Variants in PDCD10 observed in about 807,000 individuals in gnomAD.
PDCD10 encodes programmed cell death protein 10.
A neutral mutation model predicts 29.2 loss-of-function variants in PDCD10; 4 were observed. The ratio of observed to expected loss-of-function variants is 0.14; its 90% CI spans 0.07 to 0.31. The LOEUF (loss-of-function observed/expected upper bound fraction) is 0.31, where lower values mean the gene tolerates loss of function less well. PDCD10 is among the 10% of genes least tolerant of loss of function. The pLI is 1.00. For missense variants in PDCD10, 183 were observed against 257.9 expected, an observed-to-expected ratio of 0.71 and a Z score of 1.99; for synonymous variants, 70 against 82.2, an observed-to-expected ratio of 0.85 and a Z score of 0.80.
intron 2 of PDCD10, among the ~76,000 whole-genome samples, chr3:167,726,152 ACT>A (rs530572105): frequency 7.5e-5 from 8 of 106,830 alleles, no homozygotes; most frequent in Admixed American, 6.4e-4. Context: ...ACAGAGTTTC[ACT>A]CTGTCACCCA....
chr3:167,699,427 CT>C (rs1321402835), intron 4 of PDCD10, among the ~76,000 whole-genome samples: 1 of 152,190 alleles, frequency 6.6e-6, no homozygotes, highest in Admixed American at 6.5e-5. Context: ...CACCAGGTAC[CT>C]CAGTACATAG....
rs1442387650 is a variant in PDCD10, at chr3:167,684,049, C to A, written c.*259G>T. The A allele has an allele frequency of 1.1e-5, 4 of 369,456 alleles. No homozygotes were observed. The highest frequency in any genetic ancestry group is 1.0e-5 in the Non-Finnish European group (2 of 196,328). 22.9% of individuals were successfully genotyped at this position (369,456 alleles called of 1,614,324 possible). ...TTTTAAGGAATGTTATATAATGACA[C>A]ATTAAGGCGTAAATTCTTTTGGCTT... On this transcript the variant is annotated 3_prime_UTR_variant, in exon 9 of 9. Transcript: ENST00000392750.
At chr3:167,732,762 C>G (rs1373192467) in intron 2 of PDCD10, among the ~76,000 whole-genome samples, 2 of 152,308 alleles carry the variant, frequency 1.3e-5, no homozygotes, top group Admixed American at 6.5e-5. Context: ...GAACTTATTT[C>G]ATACCTCCTT....
chr3:167,705,561 GAC>G lies in PDCD10; in HGVS notation c.97-668_97-667del, dbSNP rs972527033. 3.9e-5 allele frequency among the ~76,000 whole-genome samples: 6 copies of G among 152,148 alleles called. No homozygotes were observed. The East Asian group carries it at 1.2e-3, about 29-fold the overall frequency. ...TTAAATCAATTTATTTTCTAAACAA[GAC>G]AGTTACAAATGCCAAGAACCTTGCA... On this transcript the variant is annotated intron_variant, in intron 3 of 8. Transcript: ENST00000392750.
intron 2 of PDCD10, chr3:167,725,263 G>GAAAAAAAAAAAAAAAAAAAA (rs57762503): frequency 3.3e-5 from 1 of 30,190 alleles, no homozygotes; most frequent in East Asian, 5.8e-4. Flanking sequence ...TCTCAAAAAA[G>GAAAAAAAAAAAAAAAAAAAA]AAAAAAAAAA....
chr3:167,709,553 C>T (rs1020479528), intron 3 of PDCD10, among the ~76,000 whole-genome samples: 3 of 152,098 alleles, frequency 2.0e-5, no homozygotes, highest in Non-Finnish European at 2.9e-5. Context: ...GGACGTGACA[C>T]GGTCAGAGGA....
chr3:167,703,517 A>G (rs1294541740), intron 4 of PDCD10, among the ~76,000 whole-genome samples: 1 of 152,132 alleles, frequency 6.6e-6, no homozygotes, highest in Non-Finnish European at 1.5e-5. Context: ...GAAGAAATCA[A>G]GCAGAATGGG....
At chr3:167,727,511 T>A (rs1481981941) in intron 2 of PDCD10, among the ~76,000 whole-genome samples, 6 of 152,254 alleles carry the variant, frequency 3.9e-5, no homozygotes, top group African/African-American at 1.4e-4. Context: ...GGTTCATGAA[T>A]AATGCCTAGT....
At chr3:167,700,332 T>A (rs1721265111) in intron 4 of PDCD10, among the ~76,000 whole-genome samples, 1 of 152,168 alleles carries the variant, frequency 6.6e-6, no homozygotes, top group African/African-American at 2.4e-5. Context: ...TCGTGTTTAG[T>A]GCAATACTTT....
rs1346413773 is a variant in PDCD10, at chr3:167,704,125, T to TGC, written c.150+716_150+717insGC. Among the ~76,000 whole-genome samples the TGC allele has an allele frequency of 2.0e-5, 3 of 152,258 alleles. No individual in the cohort carries two copies. The East Asian group carries it at 5.8e-4, about 29-fold the overall frequency. ...CAAAGTATATTTAATTCACCATATT[T>TGC]GAAGGTATTACTTTCCCACTGAAAA... On this transcript the variant is annotated intron_variant, in intron 4 of 8. Coordinates refer to ENST00000392750, the MANE Select transcript of PDCD10 (RefSeq NM_007217.4).
At chr3:167,733,873 A>G (rs1467107077) in intron 2 of PDCD10, among the ~76,000 whole-genome samples, 2 of 152,318 alleles carry the variant, frequency 1.3e-5, no homozygotes, top group Admixed American at 1.3e-4. Flanking sequence ...CACCCCTAAA[A>G]AAAGGGGAAA....
intron 3 of PDCD10, among the ~76,000 whole-genome samples, chr3:167,707,740 T>C (rs1050266513): frequency 1.1e-4 from 16 of 152,022 alleles, no homozygotes; most frequent in African/African-American, 3.9e-4. Flanking sequence ...AACTTCTTAG[T>C]AGTAACTGAC....
intron 2 of PDCD10, among the ~76,000 whole-genome samples, chr3:167,729,373 G>A (rs1457161250): frequency 6.6e-6 from 1 of 152,086 alleles, no homozygotes; most frequent in Non-Finnish European, 1.5e-5. Context: ...AGACATAACT[G>A]CTCTGTAACT....
intron 3 of PDCD10, among the ~76,000 whole-genome samples, chr3:167,711,523 A>C (rs1347323781): frequency 6.6e-6 from 1 of 152,194 alleles, no homozygotes; most frequent in Non-Finnish European, 1.5e-5. Context: ...AGATCTAGAA[A>C]ATAGTCTCAA....
chr3:167,700,312 AT>A (rs1183160563), intron 4 of PDCD10, among the ~76,000 whole-genome samples: 1 of 151,982 alleles, frequency 6.6e-6, no homozygotes, highest in Non-Finnish European at 1.5e-5. Context: ...GCCCTCACAT[AT>A]TTTTCTCATC....
chr3:167,694,737 A>C (rs1272978569), intron 6 of PDCD10: 1 of 152,898 alleles, frequency 6.5e-6, no homozygotes, highest in African/African-American at 2.4e-5. Flanking sequence ...CACTCCTCCC[A>C]CTGCCCAAAC....
intron 3 of PDCD10, among the ~76,000 whole-genome samples, chr3:167,717,456 A>G (rs1723135217): frequency 6.6e-6 from 1 of 152,074 alleles, no homozygotes; most frequent in Admixed American, 6.6e-5. Flanking sequence ...TAATTTGACA[A>G]CCACTTTCAC....
At chr3:167,730,204 T>C (rs543738122) in intron 2 of PDCD10, among the ~76,000 whole-genome samples, 1 of 150,628 alleles carries the variant, frequency 6.6e-6, no homozygotes, top group Non-Finnish European at 1.5e-5. Context: ...GCTTTCATTT[T>C]TTGCATTGTG....
chr3:167,715,904 G>A (rs1161430098), intron 3 of PDCD10, among the ~76,000 whole-genome samples: 1 of 151,912 alleles, frequency 6.6e-6, no homozygotes, highest in Non-Finnish European at 1.5e-5. Context: ...TCTGGTACCA[G>A]CAATCCCAAT....
Sources: allele counts gnomAD v4.1 joint callset (sites outside exome capture counted in the v4.1 genomes callset), GRCh38; gene constraint gnomAD v4.1.1; transcripts MANE v1.5; gene names NCBI Gene and HGNC (gene_info 2026-07-23, HGNC 2026-07-21).